Variants in ALK observed in about 807,000 individuals in gnomAD.
ALK encodes the protein ALK receptor tyrosine kinase, also known as ALK tyrosine kinase receptor.
Under a neutral mutation model 163.1 loss-of-function variants are expected in ALK, and 74 were observed. The ratio of observed to expected loss-of-function variants is 0.45; its 90% CI spans 0.38 to 0.55. The LOEUF (loss-of-function observed/expected upper bound fraction) is 0.55. ALK is among the 20% of genes least tolerant of loss of function. ALK has a pLI of 0.00. For synonymous variants in ALK, 960 were observed against 843.2 expected, an observed-to-expected ratio of 1.14 and a Z score of -2.40; for missense variants, 2,063 against 2,105.3, an observed-to-expected ratio of 0.98 and a Z score of 0.39.
intron 3 of ALK, among the ~76,000 whole-genome samples, chr2:29,584,451 C>T (rs944077208): frequency 6.6e-6 from 1 of 152,224 alleles, no homozygotes; most frequent in Non-Finnish European, 1.5e-5. Flanking sequence ...GTAACATACC[C>T]TGTGACTCTC....
chr2:29,669,164 T>C (rs1217467469), intron 3 of ALK, among the ~76,000 whole-genome samples: 1 of 152,092 alleles, frequency 6.6e-6, no homozygotes, highest in Non-Finnish European at 1.5e-5. Context: ...ATTTTCTGTC[T>C]GGATGATCTG....
At chr2:29,770,365 G>C (rs993557497) in intron 1 of ALK, among the ~76,000 whole-genome samples, 2 of 152,154 alleles carry the variant, frequency 1.3e-5, no homozygotes, top group Non-Finnish European at 2.9e-5. Context: ...TAACAAAGTC[G>C]TCCAGTCACA....
intron 1 of ALK, among the ~76,000 whole-genome samples, chr2:29,879,098 C>T (rs541770328): frequency 6.6e-6 from 1 of 152,222 alleles, no homozygotes; most frequent in South Asian, 2.1e-4. Flanking sequence ...CTCAGTGAAC[C>T]AGGATATATG....
chr2:29,436,031 T>C (rs1184077999), intron 4 of ALK, among the ~76,000 whole-genome samples: 1 of 152,076 alleles, frequency 6.6e-6, no homozygotes, highest in Non-Finnish European at 1.5e-5. Flanking sequence ...TTGGGAAGAC[T>C]GGAACTCCTT....
At chr2:29,488,942 G>A (rs1314773188) in intron 4 of ALK, among the ~76,000 whole-genome samples, 3 of 152,088 alleles carry the variant, frequency 2.0e-5, no homozygotes, top group African/African-American at 7.2e-5. Flanking sequence ...GAGGGAATGG[G>A]GCCACAAGCT....
At chr2:29,530,062 C>CTT (rs10536963) in intron 4 of ALK, among the ~76,000 whole-genome samples, 38 of 101,886 alleles carry the variant, frequency 3.7e-4, no homozygotes, top group African/African-American at 1.2e-3. Flanking sequence ...AATAATCGCT[C>CTT]TTTTTTTTTT....
chr2:29,889,163 G>C (rs999438062), intron 1 of ALK, among the ~76,000 whole-genome samples: 1 of 151,972 alleles, frequency 6.6e-6, no homozygotes, highest in Non-Finnish European at 1.5e-5. Context: ...TTACTTAGTT[G>C]CATTTTAAAG....
intron 3 of ALK, among the ~76,000 whole-genome samples, chr2:29,560,573 T>C (rs1049604279): frequency 7.2e-5 from 11 of 152,054 alleles, no homozygotes; most frequent in African/African-American, 2.2e-4. Context: ...TCCTTCCTTC[T>C]TTCTTTTTTT....
At chr2:29,828,415 C>T (rs568508363) in intron 1 of ALK, among the ~76,000 whole-genome samples, 59 of 152,310 alleles carry the variant, frequency 3.9e-4, no homozygotes, top group Non-Finnish European at 6.8e-4. Context: ...TGCATCTACT[C>T]ATCTGACAGA....
intron 1 of ALK, among the ~76,000 whole-genome samples, chr2:29,771,701 A>AT (rs771843182): frequency 1.3e-5 from 2 of 151,912 alleles, no homozygotes; most frequent in African/African-American, 2.4e-5. Flanking sequence ...TGCCCCGCTA[A>AT]TTTTTTGTAT....
At chr2:29,480,529 G>C (rs941029545) in intron 4 of ALK, among the ~76,000 whole-genome samples, 2 of 152,100 alleles carry the variant, frequency 1.3e-5, no homozygotes, top group Non-Finnish European at 2.9e-5. Context: ...AACTGTGTAT[G>C]GTCCTAGGTG....
intron 4 of ALK, among the ~76,000 whole-genome samples, chr2:29,479,178 G>A (rs931866392): frequency 6.6e-6 from 1 of 152,142 alleles, no homozygotes; most frequent in South Asian, 2.1e-4. Context: ...CCCATCTCCT[G>A]TGATGTCCCC....
At chr2:29,602,163 G>A (rs573394166) in intron 3 of ALK, among the ~76,000 whole-genome samples, 66 of 152,112 alleles carry the variant, frequency 4.3e-4, no homozygotes, top group African/African-American at 1.5e-3. Flanking sequence ...CAGCAGGATG[G>A]GATTTATCAT....
chr2:29,580,113 T>A (rs1310719082), intron 3 of ALK, among the ~76,000 whole-genome samples: 1 of 152,200 alleles, frequency 6.6e-6, no homozygotes, highest in Non-Finnish European at 1.5e-5. Context: ...TTTTTGCTAC[T>A]GTGTCGGTTT....
chr2:29,193,416 T>C lies in ALK; in HGVS notation c.4671A>G (p.Leu1557=), dbSNP rs1488644335. The C allele has an allele frequency of 1.2e-6, 2 of 1,614,084 alleles. No homozygotes were observed. Among genetic ancestry groups the C allele is most frequent in the African/African-American group, 2.7e-5 (2 of 74,942 alleles). ...TATTGGCAGTCAGCGAAGAGGGCTC[T>C]AGGAGCAGTGAGGCCCCCGGAAGTC... The part of the protein sequence containing the change: ...TGRLPGASLL[L]EPSSLTANMK... The change falls in exon 29 of 29, where the codon CTA becomes CTG. Residue 1557 remains leucine, a synonymous_variant. Transcript: ENST00000389048.
intron 4 of ALK, among the ~76,000 whole-genome samples, chr2:29,426,924 G>A (rs919975014): frequency 7.4e-5 from 11 of 149,318 alleles, no homozygotes; most frequent in East Asian, 2.0e-4. Context: ...TGTAGTCCCA[G>A]CTACTCAGAA....
chr2:29,255,107 T>C (rs1056939882), intron 11 of ALK, among the ~76,000 whole-genome samples: 2 of 152,204 alleles, frequency 1.3e-5, no homozygotes, highest in African/African-American at 4.8e-5. Flanking sequence ...CTCGCTGCCT[T>C]GGATGGCTCT....
intron 3 of ALK, among the ~76,000 whole-genome samples, chr2:29,671,466 G>T (rs1195943935): frequency 6.6e-6 from 1 of 151,968 alleles, no homozygotes; most frequent in Non-Finnish European, 1.5e-5. Context: ...CCATCCTTAG[G>T]GATATTTTTC....
intron 1 of ALK, among the ~76,000 whole-genome samples, chr2:29,915,586 C>A (rs1266347134): frequency 2.0e-5 from 3 of 152,146 alleles, no homozygotes; most frequent in Non-Finnish European, 4.4e-5. Context: ...CCTCATGGAC[C>A]TTCTTTCTCT....
Sources: allele counts gnomAD v4.1 joint callset (sites outside exome capture counted in the v4.1 genomes callset), GRCh38; gene constraint gnomAD v4.1.1; transcripts MANE v1.5; gene names NCBI Gene and HGNC (gene_info 2026-07-23, HGNC 2026-07-21).